CNTNAP4: variants seen among roughly 807,000 people sequenced by gnomAD.
The protein encoded by CNTNAP4 is contactin-associated protein-like 4.
Under a neutral mutation model 148.4 loss-of-function variants are expected in CNTNAP4, and 98 were observed. The ratio of observed to expected loss-of-function variants is 0.66; its 90% CI spans 0.56 to 0.78. CNTNAP4 has a LOEUF of 0.78. CNTNAP4 is among the 30% of genes least tolerant of loss of function. CNTNAP4 has a pLI of 0.00. For missense variants in CNTNAP4, 1,935 were observed against 1,565.6 expected (o/e 1.24, Z -3.98); for synonymous variants, 730 against 565.1 (o/e 1.29, Z -4.14).
chr16:76,489,474 C>T (rs1228777702), intron 12 of CNTNAP4, among the ~76,000 whole-genome samples: 3 of 152,024 alleles, frequency 2.0e-5, no homozygotes, highest in Non-Finnish European at 2.9e-5. Flanking sequence ...ACTGTAAATG[C>T]ATGGCAATAG....
chr16:76,482,287 T>G (rs937768319), intron 12 of CNTNAP4, among the ~76,000 whole-genome samples: 1 of 152,164 alleles, frequency 6.6e-6, no homozygotes, highest in African/African-American at 2.4e-5. Context: ...TTTTTCTCTT[T>G]GCATAGCTAT....
intron 2 of CNTNAP4, among the ~76,000 whole-genome samples, chr16:76,327,989 T>G (rs1963160219): frequency 6.6e-6 from 1 of 152,234 alleles, no homozygotes; most frequent in African/African-American, 2.4e-5. Flanking sequence ...ATCAAACTTT[T>G]GCCTCAAAGT....
chr16:76,395,266 G>T (rs1484978941), intron 3 of CNTNAP4, among the ~76,000 whole-genome samples: 1 of 139,378 alleles, frequency 7.2e-6, no homozygotes, highest in African/African-American at 2.6e-5. Flanking sequence ...TCAGGCCAAA[G>T]ATTCTTTTTT....
intron 10 of CNTNAP4, among the ~76,000 whole-genome samples, chr16:76,473,850 TG>T (rs1210889802): frequency 0.057 from 198 of 3,448 alleles, 2 homozygotes; most frequent in Middle Eastern, 0.5. Context: ...GTTTTTTTTT[TG>T]TTTTGTTTTG....
chr16:76,552,295 T>C (rs1019619359), intron 21 of CNTNAP4, among the ~76,000 whole-genome samples: 3 of 152,138 alleles, frequency 2.0e-5, no homozygotes, highest in Non-Finnish European at 2.9e-5. Context: ...TTATGGGGAT[T>C]ACAATTCAAG....
intron 21 of CNTNAP4, 67 bp from the exon 22 acceptor site, chr16:76,553,216 A>T: frequency 1.1e-6 from 1 of 932,268 alleles, no homozygotes; most frequent in Non-Finnish European, 1.6e-6. Flanking sequence ...CAGAATCCTC[A>T]ATTTCTGCAT....
chr16:76,420,436 A>C (rs2079149386), intron 3 of CNTNAP4, among the ~76,000 whole-genome samples: 1 of 151,936 alleles, frequency 6.6e-6, no homozygotes, highest in African/African-American at 2.4e-5. Flanking sequence ...AGGCAACCAG[A>C]AGCACTGAAC....
rs1568497861 is a variant in CNTNAP4, at chr16:76,522,721, CTTTTCTT to C, written c.2755+467_2755+473del. The stretch of plus-strand genomic sequence containing the variant: ...CTTTTCTTTTCTTTTCTTTTCTTTT[CTTTTCTT>C]TTCTTTTCTTTTCTTTTCTTTTCTT... On this transcript the variant is annotated intron_variant, in intron 17 of 23. Coordinates refer to ENST00000611870, the MANE Select transcript of CNTNAP4 (RefSeq NM_033401.5). Among the ~76,000 whole-genome samples, 63 of 41,500 alleles carry C rather than the reference CTTTTCTT, an allele frequency of 1.5e-3. 2 individuals carry two copies. Among genetic ancestry groups the C allele is most frequent in the African/African-American group, 2.4e-3 (21 of 8,744 alleles). 27.2% of individuals were successfully genotyped at this position (41,500 alleles called of 152,430 possible). A position where few individuals can be genotyped will look rare whatever the true frequency, so the allele number is the denominator to read the frequency against.
chr16:76,553,411 GTC>G lies in CNTNAP4; in HGVS notation c.3572_3573del (p.Val1191AspfsTer8). On this transcript the variant is annotated frameshift_variant, in exon 22 of 24. Coordinates refer to ENST00000611870, the MANE Select transcript of CNTNAP4 (RefSeq NM_033401.5). LOFTEE classifies it high-confidence loss of function. ...AALHPSHPDP[V>X]TVTGHVTESS... ...TCTGCACCCCAGCCACCCAGACCCT[GTC>G]ACTGTTACAGGACACGTGACTGAGT... is the stretch of plus-strand genomic sequence containing the variant. 6.2e-7 allele frequency: 1 copy of G among 1,612,600 alleles called. No homozygotes were observed. The highest frequency in any genetic ancestry group is 8.5e-7 in the Non-Finnish European group (1 of 1,179,298).
rs1478336637 is a variant in CNTNAP4, at chr16:76,427,499, C to T, written c.438C>T (p.Leu146=). 2 of 1,613,282 alleles carry T rather than the reference C, an allele frequency of 1.2e-6. No individual in the cohort carries two copies. The highest frequency in any genetic ancestry group is 1.7e-5 in the Admixed American group (1 of 59,964). Residue 146 remains leucine (L), a synonymous_variant, in exon 4 of 24, where the codon CTC becomes CTT. Coordinates refer to ENST00000611870, the MANE Select transcript of CNTNAP4 (RefSeq NM_033401.5). ...ANADSVVYYR[L]QPSIKARFLR... ...CAGACAGTGTTGTGTACTATAGACTCCAGCCTTCTATCAAAGCCAGATTTC... is the reference window on the plus strand; with the variant it reads ...CAGACAGTGTTGTGTACTATAGACTTCAGCCTTCTATCAAAGCCAGATTTC...
chr16:76,527,004 C>T (rs554717630), intron 17 of CNTNAP4, among the ~76,000 whole-genome samples: 3 of 152,182 alleles, frequency 2.0e-5, no homozygotes, highest in Non-Finnish European at 4.4e-5. Context: ...GTTAGCTTTT[C>T]TTGTTTTCTC....
At chr16:76,455,785 C>G (rs1055682937) in intron 8 of CNTNAP4, among the ~76,000 whole-genome samples, 4 of 152,162 alleles carry the variant, frequency 2.6e-5, no homozygotes, top group African/African-American at 9.7e-5. Flanking sequence ...TGAACTCCTA[C>G]CCTATATGGC....
chr16:76,325,466 C>A (rs1465208756), intron 2 of CNTNAP4, among the ~76,000 whole-genome samples: 1 of 152,002 alleles, frequency 6.6e-6, no homozygotes, highest in Non-Finnish European at 1.5e-5. Context: ...AGTGCCCTAG[C>A]TATAGTGGAA....
At chr16:76,372,494 C>T (rs1313412836) in intron 3 of CNTNAP4, among the ~76,000 whole-genome samples, 4 of 152,066 alleles carry the variant, frequency 2.6e-5, no homozygotes, top group Non-Finnish European at 2.9e-5. Flanking sequence ...ATGATTTCCA[C>T]GTGTTGTGGG....
rs117839670 is a variant in CNTNAP4 at position 76,487,045 on chromosome 16, T to G, written c.1883-2641T>G. On this transcript the variant is annotated intron_variant, in intron 12 of 23. Coordinates refer to ENST00000611870, the MANE Select transcript of CNTNAP4 (RefSeq NM_033401.5). Reference sequence around the variant, plus strand: ...TAAACAGATAGATATTATCTGTGTATTGGCAAGATAACTCCTTAACTTGCA... The same window carrying G: ...TAAACAGATAGATATTATCTGTGTAGTGGCAAGATAACTCCTTAACTTGCA... Among the ~76,000 whole-genome samples the G allele has an allele frequency of 6.2e-3, 943 of 152,312 alleles. 2 individuals carry two copies. The highest frequency in any genetic ancestry group is 8.6e-3 in the Non-Finnish European group (587 of 68,022).
At chr16:76,403,885 A>G (rs1324567609) in intron 3 of CNTNAP4, among the ~76,000 whole-genome samples, 1 of 152,216 alleles carries the variant, frequency 6.6e-6, no homozygotes, top group Non-Finnish European at 1.5e-5. Flanking sequence ...GAATGAGATC[A>G]TGTCTTTTAT....
intron 2 of CNTNAP4, among the ~76,000 whole-genome samples, chr16:76,323,596 TATTTG>T (rs1478902264): frequency 2.6e-5 from 4 of 152,210 alleles, no homozygotes; most frequent in Non-Finnish European, 4.4e-5. Context: ...TGTGTCGATT[TATTTG>T]ATTTAACACC....
At chr16:76,539,548 T>C (rs1184141155) in intron 19 of CNTNAP4, among the ~76,000 whole-genome samples, 171 bp from the exon 20 acceptor site, 2 of 152,032 alleles carry the variant, frequency 1.3e-5, no homozygotes, top group African/African-American at 4.8e-5. Flanking sequence ...ATTTTGCAAA[T>C]ACATTATTGC....
chr16:76,440,225 G>C (rs530511235), intron 4 of CNTNAP4, among the ~76,000 whole-genome samples: 1 of 152,112 alleles, frequency 6.6e-6, no homozygotes, highest in East Asian at 1.9e-4. Context: ...ATTTTGGGGA[G>C]ATTCCTAAAG....
Sources: gnomAD v4.1 joint callset for allele counts (sites outside exome capture counted in the v4.1 genomes callset) on GRCh38, gnomAD v4.1.1 for gene constraint, MANE v1.5 for transcripts, NCBI Gene and HGNC (gene_info 2026-07-23, HGNC 2026-07-21) for gene names.